The following GLIS1 variants were observed in gnomAD, a reference collection of about 807,000 sequenced individuals.
GLIS1 encodes the protein GLIS family zinc finger 1.
GLIS1 carries 24 observed loss-of-function variants against 63.8 expected under a neutral mutation model. The observed-to-expected ratio is 0.38, with a 90% CI of 0.27 to 0.53. GLIS1 has a LOEUF of 0.53. Ranked by LOEUF, GLIS1 falls within the 20% of genes least tolerant of loss-of-function variation. The pLI, the probability that GLIS1 is intolerant of heterozygous loss-of-function variation, is 0.85. For missense variants in GLIS1, 1,036 were observed against 1,074.1 expected, an observed-to-expected ratio of 0.96 and a Z score of 0.50; for synonymous variants, 450 against 482.5, an observed-to-expected ratio of 0.93 and a Z score of 0.88.
At chr1:53,543,581 C>T (rs1324349803) in intron 4 of GLIS1, among the ~76,000 whole-genome samples, 6 of 152,188 alleles carry the variant, frequency 3.9e-5, no homozygotes, top group Non-Finnish European at 5.9e-5. Context: ...TTAGGAAACA[C>T]TAGCCCAAGG....
At chr1:53,631,404 C>G (rs188088493) in intron 2 of GLIS1, among the ~76,000 whole-genome samples, 1 of 152,326 alleles carries the variant, frequency 6.6e-6, no homozygotes, top group East Asian at 1.9e-4. Context: ...AGGGTTTCCA[C>G]CATCTCTGAG....
chr1:53,621,074 CT>C (rs1357202236), intron 2 of GLIS1, among the ~76,000 whole-genome samples: 2 of 152,252 alleles, frequency 1.3e-5, no homozygotes, highest in Non-Finnish European at 2.9e-5. Context: ...TGCCCCTCAC[CT>C]GCCAGTGTGG....
At chr1:53,648,384 G>C (rs138176148) in intron 2 of GLIS1, among the ~76,000 whole-genome samples, 1 of 152,126 alleles carries the variant, frequency 6.6e-6, no homozygotes. Context: ...GGAGCAATGG[G>C]AACTCTGCTA....
chr1:53,658,582 G>T (rs1440613417), intron 2 of GLIS1, among the ~76,000 whole-genome samples: 1 of 152,192 alleles, frequency 6.6e-6, no homozygotes, highest in Non-Finnish European at 1.5e-5. Context: ...TGGAAAGTCA[G>T]GGAGGACTTC....
intron 2 of GLIS1, among the ~76,000 whole-genome samples, chr1:53,627,224 C>A (rs1294792002): frequency 1.3e-5 from 2 of 152,162 alleles, no homozygotes; most frequent in African/African-American, 2.4e-5. Context: ...GTGTGGGCGG[C>A]CTGCACATGT....
At chr1:53,590,487 C>G (rs565446269) in intron 4 of GLIS1, among the ~76,000 whole-genome samples, 1 of 152,320 alleles carries the variant, frequency 6.6e-6, no homozygotes, top group East Asian at 1.9e-4. Context: ...CTCTGCCTCT[C>G]TCCTTCTTGA....
At chr1:53,554,355 A>G (rs1461673056) in intron 4 of GLIS1, among the ~76,000 whole-genome samples, 3 of 152,214 alleles carry the variant, frequency 2.0e-5, no homozygotes, top group African/African-American at 7.2e-5. Context: ...CAGGGTATCC[A>G]GATGGCCCCA....
intron 2 of GLIS1, among the ~76,000 whole-genome samples, chr1:53,640,515 G>A (rs1336457691): frequency 2.0e-5 from 3 of 152,084 alleles, no homozygotes; most frequent in African/African-American, 2.4e-5. Flanking sequence ...CCAGCACCCC[G>A]CTCTCCTGTG....
intron 3 of GLIS1, among the ~76,000 whole-genome samples, chr1:53,599,895 A>G (rs1645298149): frequency 6.6e-6 from 1 of 152,258 alleles, no homozygotes; most frequent in Non-Finnish European, 1.5e-5. Flanking sequence ...TCAGCAGGGA[A>G]ACACCTCAAC....
intron 4 of GLIS1, among the ~76,000 whole-genome samples, chr1:53,592,996 A>G (rs1194232443): frequency 1.3e-5 from 2 of 152,142 alleles, no homozygotes; most frequent in East Asian, 3.9e-4. Context: ...TGGCCCCTAC[A>G]ATGTCACCCT....
At chr1:53,561,555 A>G (rs1287123676) in intron 4 of GLIS1, among the ~76,000 whole-genome samples, 1 of 152,236 alleles carries the variant, frequency 6.6e-6, no homozygotes, top group Admixed American at 6.5e-5. Context: ...GTGGCTGGCA[A>G]ACACTGCCGG....
intron 2 of GLIS1, among the ~76,000 whole-genome samples, chr1:53,706,260 C>T (rs1646578200): frequency 6.6e-6 from 1 of 152,186 alleles, no homozygotes; most frequent in Admixed American, 6.5e-5. Context: ...TAGCCCCATG[C>T]CATTCTGATT....
At chr1:53,703,069 C>T (rs868597717) in intron 2 of GLIS1, among the ~76,000 whole-genome samples, 1 of 152,232 alleles carries the variant, frequency 6.6e-6, no homozygotes, top group Non-Finnish European at 1.5e-5. Context: ...GGCTTCAGCT[C>T]CTTGAGCCTC....
At chr1:53,717,091 C>A (rs928122013) in intron 2 of GLIS1, among the ~76,000 whole-genome samples, 3 of 152,168 alleles carry the variant, frequency 2.0e-5, no homozygotes, top group Non-Finnish European at 2.9e-5. Flanking sequence ...CAATTGAATT[C>A]TCTCTTCAAA....
chr1:53,701,755 G>T (rs1037428206), intron 2 of GLIS1, among the ~76,000 whole-genome samples: 2 of 152,148 alleles, frequency 1.3e-5, no homozygotes, highest in African/African-American at 4.8e-5. Flanking sequence ...CACTTTGGGG[G>T]GCCGAGGCCA....
At chr1:53,531,580 C>T (rs933326150) in intron 4 of GLIS1, among the ~76,000 whole-genome samples, 2 of 152,184 alleles carry the variant, frequency 1.3e-5, no homozygotes, top group South Asian at 2.1e-4. Context: ...CTCCAGTCTG[C>T]GGTGAGTGCC....
chr1:53,514,103 C>T (rs1644324920), intron 8 of GLIS1, among the ~76,000 whole-genome samples: 1 of 152,256 alleles, frequency 6.6e-6, no homozygotes, highest in African/African-American at 2.4e-5. Flanking sequence ...CAGGAAGAGG[C>T]TGCCCCTCTC....
At chr1:53,558,613 C>T (rs1324505486) in intron 4 of GLIS1, among the ~76,000 whole-genome samples, 1 of 152,208 alleles carries the variant, frequency 6.6e-6, no homozygotes, top group African/African-American at 2.4e-5. Flanking sequence ...GGCTTCCCCA[C>T]TAGACTGGGG....
At chr1:53,547,019 T>C (rs935088381) in intron 4 of GLIS1, among the ~76,000 whole-genome samples, 25 of 152,240 alleles carry the variant, frequency 1.6e-4, no homozygotes, top group African/African-American at 6.0e-4. Flanking sequence ...AACAAGGGAC[T>C]GGACATACAG....
Sources: gnomAD v4.1 joint callset for allele counts (sites outside exome capture counted in the v4.1 genomes callset) on GRCh38, gnomAD v4.1.1 for gene constraint, MANE v1.5 for transcripts, NCBI Gene and HGNC (gene_info 2026-07-23, HGNC 2026-07-21) for gene names.